Variants in TULP2 observed in about 807,000 individuals in gnomAD.
TULP2 encodes the protein tubby-related protein 2.
Under a neutral mutation model 60.3 loss-of-function variants are expected in TULP2, and 64 were observed. The ratio of observed to expected loss-of-function variants is 1.06; its 90% CI spans 0.87 to 1.31. The LOEUF (loss-of-function observed/expected upper bound fraction) is 1.31, where lower values mean the gene tolerates loss of function less well. Among genes scored for constraint, TULP2 ranks in the 50% most tolerant of loss-of-function variants. The probability of loss-of-function intolerance (pLI) is 0.00; values close to 1 mark genes in which losing one functional copy is unlikely to be tolerated. For missense variants in TULP2, 652 were observed against 667.0 expected, an observed-to-expected ratio of 0.98 and a Z score of 0.25; for synonymous variants, 267 against 265.4, an observed-to-expected ratio of 1.01 and a Z score of -0.06.
intron 6 of TULP2, among the ~76,000 whole-genome samples, chr19:48,892,607 C>A (rs928111191): frequency 6.6e-6 from 1 of 151,810 alleles, no homozygotes; most frequent in Non-Finnish European, 1.5e-5. Flanking sequence ...GGGTTCACGC[C>A]GTTTTACTGC....
At chr19:48,889,291 C>T (rs10420053) in intron 7 of TULP2, among the ~76,000 whole-genome samples, 28,774 of 152,052 alleles carry the variant, frequency 0.19, 3,499 homozygotes, top group African/African-American at 0.35. Context: ...TTTTAATGGC[C>T]ATGTCCATGT....
intron 6 of TULP2, among the ~76,000 whole-genome samples, chr19:48,891,036 C>G (rs906887072): frequency 1.3e-5 from 2 of 151,946 alleles, no homozygotes; most frequent in African/African-American, 4.8e-5. Flanking sequence ...ATTTTATGGC[C>G]GGGCACGGTG....
chr19:48,894,947 G>C (rs777650730), intron 6 of TULP2, 51 bp downstream of exon 6: 2 of 1,564,896 alleles, frequency 1.3e-6, no homozygotes, highest in East Asian at 2.2e-5. Context: ...GGGAAGATTT[G>C]CTGCATGAAC....
chr19:48,882,284 A>G lies in TULP2; in HGVS notation c.1276-81T>C. 2.0e-6 allele frequency: 3 copies of G among 1,505,602 alleles called. No homozygotes were observed. The South Asian group carries it at 3.5e-5, about 18-fold the overall frequency. The allele number at this position is 1,505,602 out of a possible 1,614,324, so 93.3% of individuals were successfully genotyped here. A position where few individuals can be genotyped will look rare whatever the true frequency, so the allele number is the denominator to read the frequency against. Reference sequence around the variant, plus strand: ...GAACAGGGGCGACTCCATCTTGAACAGGGGCGACTCCATCTTGAACAGGGG... The same window carrying G: ...GAACAGGGGCGACTCCATCTTGAACGGGGGCGACTCCATCTTGAACAGGGG... On this transcript the variant is annotated intron_variant, in intron 11 of 12. Coordinates refer to ENST00000221399, the MANE Select transcript of TULP2 (RefSeq NM_003323.3).
Position 48,882,057 on chromosome 19 carries a change from GTTC to G in TULP2, c.1419_1421del (p.Lys473del). 6.2e-7 allele frequency: 1 copy of G among 1,614,224 alleles called. No homozygotes were observed. Among genetic ancestry groups the G allele is most frequent in the Non-Finnish European group, 8.5e-7 (1 of 1,180,044 alleles). On this transcript the variant is annotated inframe_deletion, in exon 12 of 13. Transcript: ENST00000221399. ...GGTGTTTGGGATCCACGATTTGGAA[GTTC>G]TTCACCGAAGCCCGAGTGACTCGAC...
At position 48,898,696 on chromosome 19, in the gene TULP2, C is replaced by G. The variant is rs868541426; in HGVS notation, c.-108G>C. The G allele has an allele frequency of 2.0e-5, 3 of 152,110 alleles. No individual in the cohort carries two copies. The South Asian group carries it at 6.2e-4, about 32-fold the overall frequency. 9.4% of individuals were successfully genotyped at this position (152,110 alleles called of 1,614,324 possible). ...GGGAGGATTCCCTCTGGGACCTGAA[C>G]TGGTCCACTCCCTTCTGACCCTCCA... On this transcript the variant is annotated 5_prime_UTR_variant, in exon 1 of 13. Transcript: ENST00000221399.
intron 12 of TULP2, among the ~76,000 whole-genome samples, chr19:48,881,718 A>G (rs987883458): frequency 4.6e-5 from 7 of 151,886 alleles, no homozygotes; most frequent in Non-Finnish European, 1.0e-4. Context: ...GGGTTTCACC[A>G]TGTTGGCCAG....
chr19:48,893,136 G>A (rs958560167), intron 6 of TULP2, among the ~76,000 whole-genome samples: 11 of 152,022 alleles, frequency 7.2e-5, no homozygotes, highest in African/African-American at 2.4e-4. Context: ...TTGGGAGGCC[G>A]AGGCAGGCAG....
At chr19:48,896,380 C>G in intron 4 of TULP2, 50 bp downstream of exon 4, 1 of 1,545,236 alleles carries the variant, frequency 6.5e-7, no homozygotes, top group Non-Finnish European at 8.7e-7. Flanking sequence ...CCCACAGACT[C>G]CCACAGGCCC....
chr19:48,890,796 AC>A (rs1364208807), intron 6 of TULP2, among the ~76,000 whole-genome samples: 1 of 152,046 alleles, frequency 6.6e-6, no homozygotes, highest in Non-Finnish European at 1.5e-5. Flanking sequence ...GTTTCTGATT[AC>A]CCTGGATCTA....
Position 48,897,209 on chromosome 19 carries a change from T to C in TULP2, c.84+136A>G, listed in dbSNP as rs2037290765. On this transcript the variant is annotated intron_variant, in intron 3 of 12. Coordinates refer to ENST00000221399, the MANE Select transcript of TULP2 (RefSeq NM_003323.3). This position sits in a 1 kb window ranked among gnomAD's most constrained non-coding sequence, Gnocchi z 4.0. ...CCGGCCCCAAATTCCTATTTTCTCA[T>C]TTCTCAGTGGGAAAACTCAAGGATG... 10 of 995,042 alleles carry C rather than the reference T, an allele frequency of 1.0e-5. No individual in the cohort carries two copies. The South Asian group carries it at 1.3e-4, about 13-fold the overall frequency. The allele number at this position is 995,042 out of a possible 1,614,324, so 61.6% of individuals were successfully genotyped here. A position where few individuals can be genotyped will look rare whatever the true frequency, so the allele number is the denominator to read the frequency against.
At position 48,883,917 on chromosome 19, in the gene TULP2, C is replaced by T. The variant is rs745653083; in HGVS notation, c.1176+15G>A. 4.3e-6 allele frequency: 7 copies of T among 1,613,798 alleles called. No individual in the cohort carries two copies. In the African/African-American group the frequency reaches 5.3e-5, roughly 12 times the overall value. ...TGACTATCCTACCCCATTCTCTCATCCCCAGGACACTCACATAACACACAG... is the reference window on the plus strand; with the variant it reads ...TGACTATCCTACCCCATTCTCTCATTCCCAGGACACTCACATAACACACAG... On this transcript the variant is annotated intron_variant, in intron 10 of 12. Transcript: ENST00000221399.
chr19:48,881,926 C>A, intron 12 of TULP2, 106 bp downstream of exon 12: 2 of 1,486,844 alleles, frequency 1.3e-6, no homozygotes, highest in South Asian at 2.3e-5. Flanking sequence ...GGCATCTGCC[C>A]TGCCTAGAAA....
In TULP2 at chr19:48,897,475, G is replaced by T; in HGVS notation, c.33-79C>A. On this transcript the variant is annotated intron_variant, in intron 2 of 12. Transcript: ENST00000221399. This position sits in a 1 kb window ranked among gnomAD's most constrained non-coding sequence, Gnocchi z 4.0. ...AGAGAGTCCCTCCTTCCCCCATCCT[G>T]CCCCTATCTCAGCTTGGGTTCTGGG... 1 of 1,471,890 alleles carries T rather than the reference G, an allele frequency of 6.8e-7. No individual in the cohort carries two copies. The highest frequency in any genetic ancestry group is 9.4e-7 in the Non-Finnish European group (1 of 1,065,464). 91.2% of individuals were successfully genotyped at this position (1,471,890 alleles called of 1,614,324 possible). A position where few individuals can be genotyped will look rare whatever the true frequency, so the allele number is the denominator to read the frequency against.
intron 6 of TULP2, among the ~76,000 whole-genome samples, chr19:48,892,708 G>A (rs995641657): frequency 2.0e-5 from 3 of 151,682 alleles, no homozygotes; most frequent in African/African-American, 7.3e-5. Context: ...TTTCACTGTG[G>A]TCTCGATCTC....
At chr19:48,889,342 A>ACATG (rs1555788747) in intron 7 of TULP2, among the ~76,000 whole-genome samples, 168 bp downstream of exon 7, 2 of 151,890 alleles carry the variant, frequency 1.3e-5, no homozygotes, top group Non-Finnish European at 1.5e-5. Context: ...ACACACACAC[A>ACATG]CATGCACGCA....
chr19:48,882,629 C>T (rs758965132), intron 11 of TULP2, among the ~76,000 whole-genome samples: 3 of 152,194 alleles, frequency 2.0e-5, no homozygotes, highest in Middle Eastern at 6.8e-3. Context: ...CGGGACCTCA[C>T]GTTCTGTATT....
At chr19:48,894,249 T>C (rs1018922557) in intron 6 of TULP2, among the ~76,000 whole-genome samples, 4 of 151,980 alleles carry the variant, frequency 2.6e-5, no homozygotes, top group African/African-American at 9.7e-5. Flanking sequence ...GCCAGGCTCG[T>C]CTCAAATTCC....
chr19:48,894,328 A>AT (rs1275176166), intron 6 of TULP2, among the ~76,000 whole-genome samples: 1 of 151,934 alleles, frequency 6.6e-6, no homozygotes, highest in Non-Finnish European at 1.5e-5. Context: ...ATTTTTAAAA[A>AT]TTTTTTTAAA....
Sources: allele counts gnomAD v4.1 joint callset (sites outside exome capture counted in the v4.1 genomes callset), GRCh38; gene constraint gnomAD v4.1.1; non-coding constraint Gnocchi (gnomAD v3.1); transcripts MANE v1.5; gene names NCBI Gene and HGNC (gene_info 2026-07-23, HGNC 2026-07-21).